The following CDH4 variants were observed in gnomAD, a reference collection of about 807,000 sequenced individuals.
The protein encoded by CDH4 is cadherin-4.
CDH4 carries 33 observed loss-of-function variants against 86.0 expected under a neutral mutation model. That is an observed-to-expected ratio of 0.38 (90% CI 0.29 to 0.51). The LOEUF (loss-of-function observed/expected upper bound fraction) is 0.51, where lower values mean the gene tolerates loss of function less well. Among genes scored for constraint, CDH4 ranks in the 20% least tolerant of loss-of-function variants. The pLI, the probability that CDH4 is intolerant of heterozygous loss-of-function variation, is 0.86. For synonymous variants in CDH4, 555 were observed against 549.4 expected (o/e 1.01, Z -0.14); for missense variants, 1,114 against 1,307.4 (o/e 0.85, Z 2.28).
chr20:61,653,789 C>T lies in CDH4; in HGVS notation c.170-89774C>T, dbSNP rs1316051177. 1.9e-5 allele frequency among the ~76,000 whole-genome samples: 2 copies of T among 105,020 alleles called. 1 individual carries two copies. The highest frequency in any genetic ancestry group is 4.5e-5 in the Non-Finnish European group (2 of 44,630). The allele number at this position is 105,020 out of a possible 152,430, so 68.9% of individuals were successfully genotyped here. ...CGCTCCCCACATCCCAGACGATGGG[C>T]GGCCGGGCAGAGACGCTCCTCACTT... On this transcript the variant is annotated intron_variant, in intron 2 of 15. Transcript: ENST00000614565.
intron 2 of CDH4, among the ~76,000 whole-genome samples, chr20:61,721,447 T>G (rs1193883727): frequency 5.9e-5 from 9 of 152,178 alleles, no homozygotes; most frequent in African/African-American, 1.9e-4. Flanking sequence ...AGTGTCTAAA[T>G]CATCAGAAAA....
intron 4 of CDH4, among the ~76,000 whole-genome samples, chr20:61,835,558 G>T (rs1981832217): frequency 6.6e-6 from 1 of 151,936 alleles, no homozygotes; most frequent in African/African-American, 2.4e-5. Flanking sequence ...GGGCTGGGAG[G>T]TGCCTGGGAG....
chr20:61,663,403 G>C lies in CDH4; in HGVS notation c.170-80160G>C, dbSNP rs537353087. ...GCCTCTCTGAGGAGGCAGTGTTTGC[G>C]CTGAAACCTAGAAAAAGAGCTGCGT... On this transcript the variant is annotated intron_variant, in intron 2 of 15. Transcript: ENST00000614565. This position sits in a 1 kb window ranked among gnomAD's most constrained non-coding sequence, Gnocchi z 5.0. Among the ~76,000 whole-genome samples, 2 of 152,210 alleles carry C rather than the reference G, an allele frequency of 1.3e-5. No individual in the cohort carries two copies. The highest frequency in any genetic ancestry group is 1.5e-5 in the Non-Finnish European group (1 of 68,048).
intron 2 of CDH4, among the ~76,000 whole-genome samples, chr20:61,559,040 C>A (rs143630967): frequency 6.6e-6 from 1 of 152,204 alleles, no homozygotes; most frequent in Non-Finnish European, 1.5e-5. Context: ...ACTGCTGGGC[C>A]GGGCGCAGTG....
intron 2 of CDH4, among the ~76,000 whole-genome samples, chr20:61,338,431 C>G (rs2084631503): frequency 6.6e-6 from 1 of 152,078 alleles, no homozygotes; most frequent in Admixed American, 6.5e-5. Flanking sequence ...GTGGAAGAGC[C>G]AAAGACGTTG....
At position 61,383,173 on chromosome 20, in the gene CDH4, A is replaced by G. The variant is rs910980553; in HGVS notation, c.169+128236A>G. Among the ~76,000 whole-genome samples, 18 of 88,734 alleles carry G rather than the reference A, an allele frequency of 2.0e-4. 5 individuals carry two copies. The highest frequency in any genetic ancestry group is 9.3e-4 in the African/African-American group (16 of 17,292). 58.2% of individuals were successfully genotyped at this position (88,734 alleles called of 152,430 possible). On this transcript the variant is annotated intron_variant, in intron 2 of 15. Coordinates refer to ENST00000614565, the MANE Select transcript of CDH4 (RefSeq NM_001794.5). ...ATATGAATATATTATATATATGAAT[A>G]TATTTATGAATATATATGAATATAT... is the stretch of plus-strand genomic sequence containing the variant.
chr20:61,799,751 G>C (rs1403365184), intron 4 of CDH4, among the ~76,000 whole-genome samples: 1 of 152,180 alleles, frequency 6.6e-6, no homozygotes, highest in Admixed American at 6.5e-5. Context: ...CCCGCTCCTG[G>C]GTGGGCAGGG....
At chr20:61,407,898 A>G (rs1009751836) in intron 2 of CDH4, among the ~76,000 whole-genome samples, 3 of 152,234 alleles carry the variant, frequency 2.0e-5, no homozygotes, top group African/African-American at 7.2e-5. Flanking sequence ...GAAGTCCAGG[A>G]ACAGGCAACG....
intron 2 of CDH4, among the ~76,000 whole-genome samples, chr20:61,302,306 C>T (rs2427059): frequency 0.2 from 30,715 of 152,232 alleles, 3,591 homozygotes; most frequent in Middle Eastern, 0.27. Context: ...CGTATCCTCA[C>T]TGTGGTGCAG....
Position 61,516,719 on chromosome 20 carries a change from G to A in CDH4, c.170-226844G>A, listed in dbSNP as rs895306384. Among the ~76,000 whole-genome samples the A allele has an allele frequency of 3.3e-5, 5 of 152,190 alleles. No homozygotes were observed. The highest frequency in any genetic ancestry group is 7.2e-5 in the African/African-American group (3 of 41,460). On this transcript the variant is annotated intron_variant, in intron 2 of 15. Coordinates refer to ENST00000614565, the MANE Select transcript of CDH4 (RefSeq NM_001794.5). The surrounding 1 kb of genome is among the most constrained non-coding windows in gnomAD (Gnocchi z 4.0). ...CAGGCTCAGGGTGCAATGTCAAACCGCGGCCCTGCCCGAGAGCAGGCACTA... is the reference window on the plus strand; with the variant it reads ...CAGGCTCAGGGTGCAATGTCAAACCACGGCCCTGCCCGAGAGCAGGCACTA...
rs549286346 is a variant in CDH4 at position 61,269,849 on chromosome 20, G to A, written c.169+14912G>A. 1.4e-4 allele frequency among the ~76,000 whole-genome samples: 21 copies of A among 152,168 alleles called. No homozygotes were observed. The South Asian group carries it at 4.2e-3, about 30-fold the overall frequency. ...AACTCCATGTTCCCGACGCATGACCGGACCTCCAGAGCCAGTGGTACTCAT... is the reference window on the plus strand; with the variant it reads ...AACTCCATGTTCCCGACGCATGACCAGACCTCCAGAGCCAGTGGTACTCAT... On this transcript the variant is annotated intron_variant, in intron 2 of 15. Transcript: ENST00000614565. The surrounding 1 kb of genome is among the most constrained non-coding windows in gnomAD (Gnocchi z 5.3).
intron 2 of CDH4, among the ~76,000 whole-genome samples, chr20:61,515,210 G>A (rs1175428645): frequency 6.6e-6 from 1 of 152,274 alleles, no homozygotes; most frequent in Non-Finnish European, 1.5e-5. Flanking sequence ...CCCTGCTGCT[G>A]TCCATCACCA....
intron 2 of CDH4, among the ~76,000 whole-genome samples, chr20:61,571,109 G>A (rs1415259391): frequency 6.6e-6 from 1 of 152,152 alleles, no homozygotes; most frequent in Non-Finnish European, 1.5e-5. Flanking sequence ...CCACATCCTC[G>A]GCGTGGCTGT....
At chr20:61,694,116 A>G (rs1255695094) in intron 2 of CDH4, among the ~76,000 whole-genome samples, 2 of 150,770 alleles carry the variant, frequency 1.3e-5, no homozygotes, top group African/African-American at 2.4e-5. Flanking sequence ...TTGGTCTTGA[A>G]CTCCTGACCT....
rs563955708 is a variant in CDH4, at chr20:61,502,721, C to T, written c.170-240842C>T. 3.8e-3 allele frequency among the ~76,000 whole-genome samples: 577 copies of T among 152,290 alleles called. 3 individuals are homozygous for T. Among genetic ancestry groups the T allele is most frequent in the Non-Finnish European group, 6.9e-3 (471 of 68,030 alleles). ...GCACTCAAAACAGTCGCCAACATCA[C>T]GAAGGAGAAACTGCCGTTATTTTCT... On this transcript the variant is annotated intron_variant, in intron 2 of 15. Coordinates refer to ENST00000614565, the MANE Select transcript of CDH4 (RefSeq NM_001794.5).
At chr20:61,431,575 G>T (rs757865664) in intron 2 of CDH4, among the ~76,000 whole-genome samples, 3 of 152,040 alleles carry the variant, frequency 2.0e-5, no homozygotes, top group African/African-American at 7.2e-5. Context: ...GCCCAGGCTG[G>T]TCTCAAACTC....
chr20:61,550,031 G>A (rs1349907995), intron 2 of CDH4, among the ~76,000 whole-genome samples: 1 of 150,402 alleles, frequency 6.6e-6, no homozygotes, highest in Non-Finnish European at 1.5e-5. Context: ...CCTTGTCCTG[G>A]CCTCCCTGGC....
At chr20:61,633,760 G>T (rs185431012) in intron 2 of CDH4, among the ~76,000 whole-genome samples, 2 of 152,372 alleles carry the variant, frequency 1.3e-5, no homozygotes, top group East Asian at 3.9e-4. Flanking sequence ...GACCGTCAAT[G>T]TGATGCCCCT....
intron 2 of CDH4, among the ~76,000 whole-genome samples, chr20:61,602,351 A>G (rs887187440): frequency 6.6e-6 from 1 of 152,182 alleles, no homozygotes; most frequent in Non-Finnish European, 1.5e-5. Context: ...TCCAGAAGGA[A>G]ACTTGCTCTG....
Sources: gnomAD v4.1 joint callset for allele counts (sites outside exome capture counted in the v4.1 genomes callset) on GRCh38, gnomAD v4.1.1 for gene constraint, Gnocchi (gnomAD v3.1) non-coding constraint, MANE v1.5 for transcripts, NCBI Gene and HGNC (gene_info 2026-07-23, HGNC 2026-07-21) for gene names.